The following KHDRBS2 variants were observed in gnomAD, a reference collection of about 807,000 sequenced individuals.
The protein encoded by KHDRBS2 is KH domain-containing, RNA-binding, signal transduction-associated protein 2.
Under a neutral mutation model 44.3 loss-of-function variants are expected in KHDRBS2, and 26 were observed. The ratio of observed to expected loss-of-function variants is 0.59; its 90% CI spans 0.43 to 0.81. KHDRBS2 has a LOEUF of 0.81. KHDRBS2 is among the 40% of genes least tolerant of loss of function. The probability of loss-of-function intolerance (pLI) is 0.00; values close to 1 mark genes in which losing one functional copy is unlikely to be tolerated. For missense variants in KHDRBS2, 476 were observed against 433.1 expected, an observed-to-expected ratio of 1.10 and a Z score of -0.88; for synonymous variants, 194 against 151.1, an observed-to-expected ratio of 1.28 and a Z score of -2.08.
intron 4 of KHDRBS2, among the ~76,000 whole-genome samples, chr6:61,950,221 A>G (rs1470488329): frequency 6.6e-6 from 1 of 152,090 alleles, no homozygotes; most frequent in African/African-American, 2.4e-5. Flanking sequence ...TTCCTTGGAT[A>G]CAGTACAGCT....
chr6:62,183,001 T>A (rs1213726519), intron 1 of KHDRBS2, among the ~76,000 whole-genome samples: 1 of 151,884 alleles, frequency 6.6e-6, no homozygotes, highest in Non-Finnish European at 1.5e-5. Flanking sequence ...AAATTCATAC[T>A]TCCTGAACTA....
chr6:62,074,951 TTC>T (rs1258358307), intron 2 of KHDRBS2, among the ~76,000 whole-genome samples: 1 of 151,976 alleles, frequency 6.6e-6, no homozygotes, highest in Non-Finnish European at 1.5e-5. Flanking sequence ...AGAATCAGTT[TTC>T]TGATACTTTT....
intron 2 of KHDRBS2, among the ~76,000 whole-genome samples, chr6:62,164,403 A>T (rs1818253743): frequency 6.6e-6 from 1 of 151,932 alleles, no homozygotes; most frequent in African/African-American, 2.4e-5. Context: ...GCCTCTACAT[A>T]GAACCAATTT....
intron 2 of KHDRBS2, among the ~76,000 whole-genome samples, chr6:62,151,111 T>A (rs570994117): frequency 2.0e-5 from 3 of 152,240 alleles, no homozygotes; most frequent in East Asian, 3.9e-4. Context: ...CTCAGAACCG[T>A]CAAATTCTGG....
intron 4 of KHDRBS2, among the ~76,000 whole-genome samples, chr6:61,909,798 A>T (rs1353421635): frequency 6.6e-6 from 1 of 152,234 alleles, no homozygotes; most frequent in Non-Finnish European, 1.5e-5. Flanking sequence ...TTTCACTTGC[A>T]TATGGATGCC....
chr6:62,267,836 A>G (rs1839449240), intron 1 of KHDRBS2, among the ~76,000 whole-genome samples: 1 of 152,050 alleles, frequency 6.6e-6, no homozygotes, highest in Non-Finnish European at 1.5e-5. Flanking sequence ...TCATACATTC[A>G]TACACAAAAT....
At chr6:61,632,592 T>C in the KHDRBS2 span, among the ~76,000 whole-genome samples, 1 of 152,170 alleles carries the variant, frequency 6.6e-6, no homozygotes, top group East Asian at 1.9e-4. Context: ...TGATTGTGAA[T>C]GGCATATTCT....
At chr6:62,260,607 G>C (rs1838179820) in intron 1 of KHDRBS2, among the ~76,000 whole-genome samples, 1 of 151,892 alleles carries the variant, frequency 6.6e-6, no homozygotes, top group African/African-American at 2.4e-5. Flanking sequence ...TTTAAAAAAA[G>C]AAAACTTCAT....
the KHDRBS2 span, among the ~76,000 whole-genome samples, chr6:61,626,223 T>C: frequency 6.6e-6 from 1 of 152,216 alleles, no homozygotes; most frequent in Non-Finnish European, 1.5e-5. Flanking sequence ...TTTTATATAG[T>C]TTTTAATTGT....
the KHDRBS2 span, among the ~76,000 whole-genome samples, chr6:61,639,631 G>A: frequency 6.6e-6 from 1 of 151,896 alleles, no homozygotes; most frequent in Non-Finnish European, 1.5e-5. Context: ...CATTTTATTT[G>A]TGCATTTTTA....
chr6:61,973,566 A>G (rs1458562031), intron 4 of KHDRBS2, among the ~76,000 whole-genome samples: 5 of 152,296 alleles, frequency 3.3e-5, no homozygotes, highest in Non-Finnish European at 5.9e-5. Flanking sequence ...CACAGCTATC[A>G]CTAAGACACA....
At chr6:62,275,632 C>T (rs1264482739) in intron 1 of KHDRBS2, among the ~76,000 whole-genome samples, 3 of 152,046 alleles carry the variant, frequency 2.0e-5, no homozygotes, top group Non-Finnish European at 4.4e-5. Context: ...TTAAAGGAAA[C>T]AACAATTTCT....
intron 4 of KHDRBS2, among the ~76,000 whole-genome samples, chr6:61,925,484 G>A (rs1808779344): frequency 6.6e-6 from 1 of 152,124 alleles, no homozygotes; most frequent in Non-Finnish European, 1.5e-5. Context: ...GGGAGGCCAA[G>A]GTGGGAGAAT....
intron 2 of KHDRBS2, among the ~76,000 whole-genome samples, chr6:62,165,875 T>C (rs1818577871): frequency 6.6e-6 from 1 of 151,954 alleles, no homozygotes; most frequent in Non-Finnish European, 1.5e-5. Context: ...TGGCATTAAG[T>C]ACATTCACAA....
chr6:62,021,867 T>C (rs1782382898), intron 3 of KHDRBS2, among the ~76,000 whole-genome samples: 1 of 151,294 alleles, frequency 6.6e-6, no homozygotes, highest in Admixed American at 6.6e-5. Flanking sequence ...TTGATGTCTT[T>C]TTTCAAAATT....
In KHDRBS2 at chr6:61,680,976, T is replaced by C; in HGVS notation, c.1037A>G (p.Tyr346Cys). ...SARGGYREHP[Y>C]GRY ...TGGGAAGGACCTTCAATATCTACCA[T>C]AGGGGTGTTCCCTGTATCCCCCTCT... Residue 346 changes from tyrosine to cysteine, a missense_variant, in exon 9 of 9, where the codon TAT becomes TGT. Physicochemically the swap from Tyr to Cys is radical, Grantham distance 194. Coordinates refer to ENST00000281156, the MANE Select transcript of KHDRBS2 (RefSeq NM_152688.4). 1.2e-6 allele frequency: 2 copies of C among 1,607,916 alleles called. No individual in the cohort carries two copies. Among genetic ancestry groups the C allele is most frequent in the Non-Finnish European group, 1.7e-6 (2 of 1,175,234 alleles).
At chr6:61,617,083 A>G in the KHDRBS2 span, among the ~76,000 whole-genome samples, 1 of 152,184 alleles carries the variant, frequency 6.6e-6, no homozygotes, top group South Asian at 2.1e-4. Context: ...ATGTAGATGC[A>G]GATGCAAAGC....
At chr6:61,776,163 T>C (rs1447274651) in intron 6 of KHDRBS2, among the ~76,000 whole-genome samples, 9 of 152,002 alleles carry the variant, frequency 5.9e-5, no homozygotes, top group Non-Finnish European at 1.2e-4. Flanking sequence ...AAGACTTACA[T>C]GTTAGACCTA....
chr6:61,796,432 G>T (rs1317178464), intron 6 of KHDRBS2, among the ~76,000 whole-genome samples: 1 of 151,880 alleles, frequency 6.6e-6, no homozygotes, highest in African/African-American at 2.4e-5. Context: ...AATATTAACA[G>T]AATATTCATT....
Sources: gnomAD v4.1 joint callset for allele counts (sites outside exome capture counted in the v4.1 genomes callset) on GRCh38, gnomAD v4.1.1 for gene constraint, MANE v1.5 for transcripts, NCBI Gene and HGNC (gene_info 2026-07-23, HGNC 2026-07-21) for gene names.